The following BBS5 variants were observed in gnomAD, a reference collection of about 807,000 sequenced individuals.
BBS5 encodes BBSome complex member BBS5.
A neutral mutation model predicts 50.2 loss-of-function variants in BBS5; 39 were observed. The observed-to-expected ratio is 0.78, with a 90% CI of 0.60 to 1.01. The LOEUF (loss-of-function observed/expected upper bound fraction) is 1.01. Ranked by LOEUF, BBS5 falls within the 50% of genes least tolerant of loss-of-function variation. BBS5 has a pLI of 0.00. For missense variants in BBS5, 356 were observed against 401.5 expected (o/e 0.89, Z 0.97); for synonymous variants, 134 against 133.1 (o/e 1.01, Z -0.05).
chr2:169,503,181 G>A lies in BBS5; in HGVS notation c.900+3G>A, dbSNP rs778652630. ...ATGGTCACACGGATGCTTTTGTGGTGAGCATCACAAAGGACAGCATTAAAT... is the reference window on the plus strand; with the variant it reads ...ATGGTCACACGGATGCTTTTGTGGTAAGCATCACAAAGGACAGCATTAAAT... On this transcript the variant is annotated splice_donor_region_variant and intron_variant, in intron 10 of 11. Coordinates refer to ENST00000295240, the MANE Select transcript of BBS5 (RefSeq NM_152384.3). 3 of 1,605,008 alleles carry A rather than the reference G, an allele frequency of 1.9e-6. No individual in the cohort carries two copies. Among genetic ancestry groups the A allele is most frequent in the Admixed American group, 3.3e-5 (2 of 59,950 alleles).
Position 169,504,801 on chromosome 2 carries a change from C to G in BBS5, c.*219C>G, listed in dbSNP as rs554845609. 5.8e-6 allele frequency: 9 copies of G among 1,546,314 alleles called. No individual in the cohort carries two copies. The highest frequency in any genetic ancestry group is 1.4e-5 in the African/African-American group (1 of 72,766). On this transcript the variant is annotated 3_prime_UTR_variant, in exon 12 of 12. Coordinates refer to ENST00000295240, the MANE Select transcript of BBS5 (RefSeq NM_152384.3). ...AGCGACACATGGCCTAGTAACCGTC[C>G]GGCCGCGGCGCTGGCTTAAGCCATG...
intron 7 of BBS5, among the ~76,000 whole-genome samples, chr2:169,496,992 G>T (rs943274765): frequency 6.6e-6 from 1 of 152,018 alleles, no homozygotes; most frequent in Admixed American, 6.6e-5. Context: ...CAAAAGGCAC[G>T]GCTTACCAAA....
rs141672194 is a variant in BBS5 at position 169,503,850 on chromosome 2, A to C, written c.901-453A>C. On this transcript the variant is annotated intron_variant, in intron 10 of 11. Coordinates refer to ENST00000295240, the MANE Select transcript of BBS5 (RefSeq NM_152384.3). ...AACAAAGGTGTGAAATTAGTATAAAATAATTATAAACTACTACTGCCTCAA... is the reference window on the plus strand; with the variant it reads ...AACAAAGGTGTGAAATTAGTATAAACTAATTATAAACTACTACTGCCTCAA... 2.4e-3 allele frequency among the ~76,000 whole-genome samples: 364 copies of C among 152,364 alleles called. 2 individuals carry two copies. The highest frequency in any genetic ancestry group is 0.017 in the Middle Eastern group (5 of 294).
chr2:169,499,120 C>G (rs1233957926), intron 8 of BBS5: 2 of 242,852 alleles, frequency 8.2e-6, no homozygotes, highest in Non-Finnish European at 1.6e-5. Context: ...CCTTCACAGT[C>G]TACAGTGTAT....
At position 169,505,074 on chromosome 2, in the gene BBS5, C is replaced by T; in HGVS notation, c.*492C>T. ...TCCCTGCCTGATTCTCCTGCCTCAG[C>T]CTGCCGAGTGCCTGCGATTACAGGC... On this transcript the variant is annotated 3_prime_UTR_variant, in exon 12 of 12. Transcript: ENST00000295240. 14 of 1,313,108 alleles carry T rather than the reference C, an allele frequency of 1.1e-5. No homozygotes were observed. Among genetic ancestry groups the T allele is most frequent in the Non-Finnish European group, 1.5e-5 (14 of 921,868 alleles). 81.3% of individuals were successfully genotyped at this position (1,313,108 alleles called of 1,614,324 possible).
intron 10 of BBS5, among the ~76,000 whole-genome samples, chr2:169,504,090 T>G (rs967717324): frequency 1.3e-5 from 2 of 152,218 alleles, no homozygotes; most frequent in African/African-American, 2.4e-5. Context: ...ACAAAGCACA[T>G]TTTTTACAAC....
At chr2:169,487,210 A>C (rs1356446192) in intron 3 of BBS5, 76 bp downstream of exon 3, 1 of 929,122 alleles carries the variant, frequency 1.1e-6, no homozygotes, top group Non-Finnish European at 1.8e-6. Context: ...CTTTGATACC[A>C]AAGAAGTATG....
At chr2:169,499,646 A>T (rs765700015) in intron 9 of BBS5, 26 bp downstream of exon 9, 1 of 1,610,856 alleles carries the variant, frequency 6.2e-7, no homozygotes, top group East Asian at 2.2e-5. Flanking sequence ...TGTGAAATAA[A>T]GTTTGCATTG....
chr2:169,493,642 T>C (rs1683641726), intron 6 of BBS5, 99 bp from the exon 7 acceptor site: 3 of 823,548 alleles, frequency 3.6e-6, no homozygotes, highest in Non-Finnish European at 6.4e-6. Flanking sequence ...TCAATTTTGG[T>C]ATTATTTGCT....
chr2:169,486,436 T>A (rs1683489831), intron 2 of BBS5, among the ~76,000 whole-genome samples: 1 of 152,186 alleles, frequency 6.6e-6, no homozygotes, highest in African/African-American at 2.4e-5. Context: ...AGATCACTAT[T>A]GTACAGGACA....
chr2:169,487,017 C>A, intron 2 of BBS5, 52 bp from the exon 3 acceptor site: 2 of 1,247,370 alleles, frequency 1.6e-6, no homozygotes, highest in Non-Finnish European at 2.4e-6. Context: ...TTCAGTGCTG[C>A]AAAAATGGGT....
At chr2:169,490,157 G>C (rs1439969824) in intron 5 of BBS5, among the ~76,000 whole-genome samples, 3 of 146,778 alleles carry the variant, frequency 2.0e-5, no homozygotes, top group Admixed American at 6.8e-5. Flanking sequence ...TTACAGGTGT[G>C]AGCCACTGGG....
chr2:169,488,422 A>T (rs1683525045), intron 5 of BBS5, among the ~76,000 whole-genome samples: 1 of 152,220 alleles, frequency 6.6e-6, no homozygotes. Flanking sequence ...TTAAATTCTC[A>T]TAAGGAGGGC....
At chr2:169,494,737 T>C (rs765135362) in intron 7 of BBS5, among the ~76,000 whole-genome samples, 20 of 152,188 alleles carry the variant, frequency 1.3e-4, no homozygotes, top group Non-Finnish European at 2.6e-4. Context: ...AAACTACTTA[T>C]AGAATTCTAG....
chr2:169,504,882 C>A lies in BBS5; in HGVS notation c.*300C>A. 1 of 1,613,422 alleles carries A rather than the reference C, an allele frequency of 6.2e-7. No homozygotes were observed. Among genetic ancestry groups the A allele is most frequent in the Non-Finnish European group, 8.5e-7 (1 of 1,179,772 alleles). ...GCGCTCCTACAGCAGTGCCTGCACG[C>A]CCGGCTGCAAATTCGCCCAGCCAAT... On this transcript the variant is annotated 3_prime_UTR_variant, in exon 12 of 12. Transcript: ENST00000295240.
intron 3 of BBS5, 65 bp downstream of exon 3, chr2:169,487,199 C>A: frequency 2.0e-6 from 2 of 1,006,872 alleles, no homozygotes; most frequent in East Asian, 2.4e-5. Flanking sequence ...TTGCATGGTG[C>A]CTTTGATACC....
At chr2:169,481,161 C>T (rs145792894) in intron 1 of BBS5, among the ~76,000 whole-genome samples, 1 of 152,210 alleles carries the variant, frequency 6.6e-6, no homozygotes. Flanking sequence ...CAGACAACCA[C>T]TATAATAAAT....
intron 2 of BBS5, among the ~76,000 whole-genome samples, chr2:169,485,798 G>T (rs1683477691): frequency 6.6e-6 from 1 of 152,184 alleles, no homozygotes; most frequent in Non-Finnish European, 1.5e-5. Flanking sequence ...AAGATCAAAG[G>T]GAGGCAGGAG....
Position 169,505,368 on chromosome 2 carries a change from G to GGCC in BBS5, c.*790_*792dup. On this transcript the variant is annotated 3_prime_UTR_variant, in exon 12 of 12. Coordinates refer to ENST00000295240, the MANE Select transcript of BBS5 (RefSeq NM_152384.3). ...AGTGCCAAGAGTGCAGCCTCTGCCC[G>GGCC]GCCGCCACCCCGTCTGGGAAGTGAG... is the stretch of plus-strand genomic sequence containing the variant. The GGCC allele has an allele frequency of 2.8e-6, 1 of 351,692 alleles. No individual in the cohort carries two copies. Among genetic ancestry groups the GGCC allele is most frequent in the South Asian group, 2.3e-5 (1 of 44,204 alleles). The allele number at this position is 351,692 out of a possible 1,614,324, so 21.8% of individuals were successfully genotyped here. A position where few individuals can be genotyped will look rare whatever the true frequency, so the allele number is the denominator to read the frequency against.
Sources: allele counts gnomAD v4.1 joint callset (sites outside exome capture counted in the v4.1 genomes callset), GRCh38; gene constraint gnomAD v4.1.1; transcripts MANE v1.5; gene names NCBI Gene and HGNC (gene_info 2026-07-23, HGNC 2026-07-21).